FBXO45: variants seen among roughly 807,000 people sequenced by gnomAD.
FBXO45 encodes the protein F-box/SPRY domain-containing protein 1.
Under a neutral mutation model 25.5 loss-of-function variants are expected in FBXO45, and 3 were observed. The observed-to-expected ratio is 0.12, with a 90% confidence interval of 0.05 to 0.30. FBXO45 has a LOEUF of 0.30. Among genes scored for constraint, FBXO45 ranks in the 10% least tolerant of loss-of-function variants. The pLI is 1.00. For missense variants in FBXO45, 219 were observed against 365.0 expected, an observed-to-expected ratio of 0.60 and a Z score of 3.26; for synonymous variants, 155 against 149.8, an observed-to-expected ratio of 1.03 and a Z score of -0.25.
intron 1 of FBXO45, among the ~76,000 whole-genome samples, chr3:196,575,973 G>A (rs1393304242): frequency 6.6e-6 from 1 of 152,144 alleles, no homozygotes; most frequent in African/African-American, 2.4e-5. Flanking sequence ...CACCGCGCCC[G>A]GCCCCTTCAT....
chr3:196,574,135 A>G (rs556656897), intron 1 of FBXO45, among the ~76,000 whole-genome samples: 21 of 151,986 alleles, frequency 1.4e-4, no homozygotes, highest in African/African-American at 4.8e-4. Context: ...GGCTTTCACC[A>G]TGTTGGCCAG....
In FBXO45 at chr3:196,575,171, G is replaced by C. The variant is rs894666959; in HGVS notation, c.319-2282G>C. ...AGATGTCATAGAAGTTTGAGGAAGA[G>C]AGGGCCGGGCGTGGTGGCTCACGCC... On this transcript the variant is annotated intron_variant, in intron 1 of 2. Transcript: ENST00000311630. Among the ~76,000 whole-genome samples, 3 of 152,146 alleles carry C rather than the reference G, an allele frequency of 2.0e-5. No individual in the cohort carries two copies. In the South Asian group the frequency reaches 6.2e-4, roughly 32 times the overall value.
intron 2 of FBXO45, among the ~76,000 whole-genome samples, chr3:196,583,774 G>A (rs73891294): frequency 0.02 from 2,975 of 152,214 alleles, 87 homozygotes; most frequent in African/African-American, 0.067. Context: ...AGGCTGGAGT[G>A]CAGTGGGCAG....
chr3:196,568,957 G>A lies in FBXO45; in HGVS notation c.-28G>A. The A allele has an allele frequency of 1.0e-6, 1 of 989,274 alleles. No homozygotes were observed. The highest frequency in any genetic ancestry group is 1.2e-6 in the Non-Finnish European group (1 of 832,146). The allele number at this position is 989,274 out of a possible 1,614,324, so 61.3% of individuals were successfully genotyped here. ...GACGGCGGGAAGCGGCGGCGGCAGC[G>A]GCGGCCCTAGGGCCGGCTGGTGAGG... On this transcript the variant is annotated 5_prime_UTR_variant, in exon 1 of 3. Transcript: ENST00000311630.
chr3:196,578,639 A>G (rs1735957868), intron 2 of FBXO45, among the ~76,000 whole-genome samples: 1 of 152,124 alleles, frequency 6.6e-6, no homozygotes, highest in African/African-American at 2.4e-5. Flanking sequence ...GACCTTATTT[A>G]TGGGCTGCAG....
intron 1 of FBXO45, among the ~76,000 whole-genome samples, chr3:196,575,374 C>G (rs915694967): frequency 5.3e-5 from 8 of 150,290 alleles, no homozygotes; most frequent in Non-Finnish European, 1.0e-4. Context: ...AGGAGAATCG[C>G]TTGAACCCAG....
chr3:196,575,478 G>A (rs1344046293), intron 1 of FBXO45, among the ~76,000 whole-genome samples: 1 of 148,038 alleles, frequency 6.8e-6, no homozygotes. Context: ...AAAAAGAAAA[G>A]GAAGTTTAAG....
rs2108730420 is a variant in FBXO45 at position 196,586,431 on chromosome 3, A to G, written c.*2113A>G. 1 of 152,350 alleles carries G rather than the reference A, an allele frequency of 6.6e-6. No homozygotes were observed. The highest frequency in any genetic ancestry group is 2.4e-5 in the African/African-American group (1 of 41,584). 9.4% of individuals were successfully genotyped at this position (152,350 alleles called of 1,614,324 possible). A position where few individuals can be genotyped will look rare whatever the true frequency, so the allele number is the denominator to read the frequency against. The stretch of plus-strand genomic sequence containing the variant: ...TTGCCTCAATATTTAACAACAAGCC[A>G]TTCTTATCTCAAAGATTTAAATTCC... On this transcript the variant is annotated 3_prime_UTR_variant, in exon 3 of 3. Coordinates refer to ENST00000311630, the MANE Select transcript of FBXO45 (RefSeq NM_001105573.2).
Position 196,584,020 on chromosome 3 carries a change from A to G in FBXO45, c.676-113A>G. On this transcript the variant is annotated intron_variant, in intron 2 of 2. Transcript: ENST00000311630. The surrounding 1 kb of genome is among the most constrained non-coding windows in gnomAD (Gnocchi z 4.3). ...AGAAAGCTTCCCTTCTGATTTTTCTAGATAGCTTTCAGGATAATATTCTTA... is the reference window on the plus strand; with the variant it reads ...AGAAAGCTTCCCTTCTGATTTTTCTGGATAGCTTTCAGGATAATATTCTTA... The G allele has an allele frequency of 2.0e-6, 2 of 1,007,334 alleles. No individual in the cohort carries two copies. The highest frequency in any genetic ancestry group is 2.9e-6 in the Non-Finnish European group (2 of 686,442). The allele number at this position is 1,007,334 out of a possible 1,614,324, so 62.4% of individuals were successfully genotyped here.
chr3:196,588,493 C>T lies in FBXO45; in HGVS notation c.*4175C>T, dbSNP rs932842551. 1.3e-5 allele frequency: 2 copies of T among 152,238 alleles called. No homozygotes were observed. Among genetic ancestry groups the T allele is most frequent in the African/African-American group, 4.8e-5 (2 of 41,454 alleles). 9.4% of individuals were successfully genotyped at this position (152,238 alleles called of 1,614,324 possible). On this transcript the variant is annotated 3_prime_UTR_variant, in exon 3 of 3. Transcript: ENST00000311630. The surrounding 1 kb of genome is among the most constrained non-coding windows in gnomAD (Gnocchi z 4.2). ...AAGCCTTTATTAGGAACAGCCCACA[C>T]CCAGCCCAAATGCTGTCCTCAAAAA...
rs2108731280 is a variant in FBXO45 at position 196,588,819 on chromosome 3, C to T, written c.*4501C>T. 6.6e-6 allele frequency: 1 copy of T among 152,146 alleles called. No homozygotes were observed. Among genetic ancestry groups the T allele is most frequent in the Non-Finnish European group, 1.5e-5 (1 of 68,000 alleles). 9.4% of individuals were successfully genotyped at this position (152,146 alleles called of 1,614,324 possible). A position where few individuals can be genotyped will look rare whatever the true frequency, so the allele number is the denominator to read the frequency against. On this transcript the variant is annotated 3_prime_UTR_variant, in exon 3 of 3. Coordinates refer to ENST00000311630, the MANE Select transcript of FBXO45 (RefSeq NM_001105573.2). This position sits in a 1 kb window ranked among gnomAD's most constrained non-coding sequence, Gnocchi z 4.2. ...ACTATAGAAGCAAAAATTATAGTAG[C>T]AAAAGATGAATGAGAAATTCTGTTC...
At chr3:196,580,926 C>T (rs1258754522) in intron 2 of FBXO45, among the ~76,000 whole-genome samples, 1 of 152,106 alleles carries the variant, frequency 6.6e-6, no homozygotes, top group Admixed American at 6.5e-5. Flanking sequence ...GCTGGGACTA[C>T]AGGTGCTCCC....
Position 196,584,026 on chromosome 3 carries a change from C to A in FBXO45, c.676-107C>A. Reference sequence around the variant, plus strand: ...CTTCCCTTCTGATTTTTCTAGATAGCTTTCAGGATAATATTCTTAATATTT... The same window carrying A: ...CTTCCCTTCTGATTTTTCTAGATAGATTTCAGGATAATATTCTTAATATTT... On this transcript the variant is annotated intron_variant, in intron 2 of 2. Transcript: ENST00000311630. The surrounding 1 kb of genome is among the most constrained non-coding windows in gnomAD (Gnocchi z 4.3). The A allele has an allele frequency of 9.4e-7, 1 of 1,066,700 alleles. No homozygotes were observed. The allele number at this position is 1,066,700 out of a possible 1,614,324, so 66.1% of individuals were successfully genotyped here. A position where few individuals can be genotyped will look rare whatever the true frequency, so the allele number is the denominator to read the frequency against.
chr3:196,570,185 TATATA>T (rs1735776371), intron 1 of FBXO45, among the ~76,000 whole-genome samples: 1 of 152,142 alleles, frequency 6.6e-6, no homozygotes, highest in Admixed American at 6.5e-5. Flanking sequence ...ATCAAGATCA[TATATA>T]AGAGAAGATA....
intron 2 of FBXO45, among the ~76,000 whole-genome samples, chr3:196,578,646 G>T (rs1311338662): frequency 6.6e-6 from 1 of 152,098 alleles, no homozygotes; most frequent in African/African-American, 2.4e-5. Context: ...TTTATGGGCT[G>T]CAGGACAGAT....
At chr3:196,574,168 C>T (rs1011311659) in intron 1 of FBXO45, among the ~76,000 whole-genome samples, 11 of 151,978 alleles carry the variant, frequency 7.2e-5, no homozygotes, top group East Asian at 3.9e-4. Flanking sequence ...TTCTTGACCT[C>T]GTGATCCGCC....
chr3:196,569,355 T>C lies in FBXO45; in HGVS notation c.318+53T>C, dbSNP rs1183652536. ...CCCCCAGTCCCGCTCCCCGGCGTCG[T>C]TCGCGGTGTTTCTCATCCGAGCTTC... On this transcript the variant is annotated intron_variant, in intron 1 of 2. Transcript: ENST00000311630. This position sits in a 1 kb window ranked among gnomAD's most constrained non-coding sequence, Gnocchi z 4.1. The C allele has an allele frequency of 2.8e-6, 4 of 1,430,934 alleles. No individual in the cohort carries two copies. Among genetic ancestry groups the C allele is most frequent in the Admixed American group, 4.8e-5 (2 of 41,938 alleles). The allele number at this position is 1,430,934 out of a possible 1,614,324, so 88.6% of individuals were successfully genotyped here. A position where few individuals can be genotyped will look rare whatever the true frequency, so the allele number is the denominator to read the frequency against.
chr3:196,589,055 AT>A lies in FBXO45; in HGVS notation c.*4739del, dbSNP rs1736189427. On this transcript the variant is annotated 3_prime_UTR_variant, in exon 3 of 3. Transcript: ENST00000311630. ...TTAGTTTCTTAATAAAAAGTTAAAC[AT>A]TAACCACCTGTGATTGCTTACATTT... 1 of 152,248 alleles carries A rather than the reference AT, an allele frequency of 6.6e-6. No homozygotes were observed. Among genetic ancestry groups the A allele is most frequent in the South Asian group, 2.1e-4 (1 of 4,828 alleles). The allele number at this position is 152,248 out of a possible 1,614,324, so 9.4% of individuals were successfully genotyped here. A position where few individuals can be genotyped will look rare whatever the true frequency, so the allele number is the denominator to read the frequency against.
chr3:196,571,501 C>G (rs1354040283), intron 1 of FBXO45, among the ~76,000 whole-genome samples: 14 of 152,204 alleles, frequency 9.2e-5, no homozygotes, highest in Admixed American at 9.2e-4. Context: ...GCTGGGGTTA[C>G]AGGCATTAGC....
Sources: gnomAD v4.1 joint callset for allele counts (sites outside exome capture counted in the v4.1 genomes callset) on GRCh38, gnomAD v4.1.1 for gene constraint, Gnocchi (gnomAD v3.1) non-coding constraint, MANE v1.5 for transcripts, NCBI Gene and HGNC (gene_info 2026-07-23, HGNC 2026-07-21) for gene names.